CXADR: variants seen among roughly 807,000 people sequenced by gnomAD.
CXADR encodes the protein CXADR cell adhesion molecule.
CXADR carries 20 observed loss-of-function variants against 40.3 expected under a neutral mutation model. The observed-to-expected ratio is 0.50, with a 90% CI of 0.35 to 0.72. The LOEUF is 0.72. Ranked by LOEUF, CXADR falls within the 30% of genes least tolerant of loss-of-function variation. CXADR has a pLI of 0.01. For missense variants in CXADR, 332 were observed against 449.1 expected (o/e 0.74, Z 2.36); for synonymous variants, 150 against 161.3 (o/e 0.93, Z 0.53).
intron 2 of CXADR, among the ~76,000 whole-genome samples, chr21:17,550,806 T>G (rs1684842654): frequency 6.6e-6 from 1 of 152,206 alleles, no homozygotes; most frequent in Non-Finnish European, 1.5e-5. Flanking sequence ...CTATGTGTGG[T>G]TCAGAAAACT....
At chr21:17,584,101 A>T (rs998475746) in intron 7 of CXADR, among the ~76,000 whole-genome samples, 16 of 152,300 alleles carry the variant, frequency 1.1e-4, no homozygotes, top group African/African-American at 2.9e-4. Flanking sequence ...CTTACTCATG[A>T]TTTAAGATAA....
At chr21:17,621,652 G>GGGCTT in the CXADR span, among the ~76,000 whole-genome samples, 1 of 152,170 alleles carries the variant, frequency 6.6e-6, no homozygotes, top group African/African-American at 2.4e-5. Flanking sequence ...AGGGCTTGAT[G>GGGCTT]GAGGCTCTTC....
intron 1 of CXADR, among the ~76,000 whole-genome samples, chr21:17,544,677 G>C (rs944197580): frequency 2.6e-5 from 4 of 152,184 alleles, no homozygotes; most frequent in African/African-American, 9.7e-5. Flanking sequence ...GAACTACACA[G>C]GTCATTCCTG....
chr21:17,632,345 A>G, the CXADR span, among the ~76,000 whole-genome samples: 1 of 152,192 alleles, frequency 6.6e-6, no homozygotes, highest in Non-Finnish European at 1.5e-5. Flanking sequence ...AAGAGCTCAG[A>G]GGGAAACTTA....
At chr21:17,625,633 A>T in the CXADR span, among the ~76,000 whole-genome samples, 1 of 152,166 alleles carries the variant, frequency 6.6e-6, no homozygotes, top group Non-Finnish European at 1.5e-5. Context: ...TCTGTGCTAA[A>T]ATCTTTAAAG....
chr21:17,602,386 A>G, the CXADR span, among the ~76,000 whole-genome samples: 2 of 152,172 alleles, frequency 1.3e-5, no homozygotes, highest in Non-Finnish European at 2.9e-5. Flanking sequence ...CTTAGTCTCT[A>G]GTATACCAAT....
chr21:17,629,805 C>T, the CXADR span, among the ~76,000 whole-genome samples: 1 of 147,432 alleles, frequency 6.8e-6, no homozygotes, highest in Admixed American at 6.8e-5. Context: ...GACCCTGGCG[C>T]TATAAACAAA....
rs983145741 is a variant in CXADR at position 17,557,005 on chromosome 21, A to C, written c.416-1971A>C. On this transcript the variant is annotated intron_variant, in intron 3 of 6. Transcript: ENST00000284878. ...ACTAAGACAAAGGAAAGCATACGCC[A>C]GTGTTCACATGAGTGTTCAAGCAGC... is the stretch of plus-strand genomic sequence containing the variant. Among the ~76,000 whole-genome samples, 7 of 152,364 alleles carry C rather than the reference A, an allele frequency of 4.6e-5. No homozygotes were observed. In the South Asian group the frequency reaches 1.0e-3, roughly 23 times the overall value.
downstream of CXADR, among the ~76,000 whole-genome samples, chr21:17,597,830 A>G (rs1362721458): frequency 6.6e-6 from 1 of 152,170 alleles, no homozygotes; most frequent in East Asian, 1.9e-4. Flanking sequence ...AAAAGCTCCA[A>G]TATTCTGCTT....
intron 7 of CXADR, among the ~76,000 whole-genome samples, chr21:17,581,813 C>G (rs1436092680): frequency 0.016 from 2 of 122 alleles, no homozygotes; most frequent in East Asian, 0.33. Context: ...CACTGCAACT[C>G]CAGCCTGGGG....
At chr21:17,628,783 G>A in the CXADR span, among the ~76,000 whole-genome samples, 4 of 152,058 alleles carry the variant, frequency 2.6e-5, no homozygotes, top group African/African-American at 7.2e-5. Flanking sequence ...GATTACAGGC[G>A]TGAGCCACCG....
chr21:17,572,626 A>G (rs2061287642), downstream of CXADR, among the ~76,000 whole-genome samples: 1 of 152,192 alleles, frequency 6.6e-6, no homozygotes, highest in South Asian at 2.1e-4. Flanking sequence ...TATTTCAATA[A>G]TTAACCAACT....
downstream of CXADR, chr21:17,594,363 C>T (rs1252598990): frequency 5.1e-6 from 8 of 1,583,726 alleles, no homozygotes; most frequent in South Asian, 8.1e-5. Context: ...TAAGTTAATT[C>T]AAAGGAAAAA....
chr21:17,633,072 T>C, the CXADR span: 1 of 152,094 alleles, frequency 6.6e-6, no homozygotes, highest in African/African-American at 2.4e-5. Context: ...ACACAGTGAA[T>C]TAAAGAAAAT....
intron 1 of CXADR, 58 bp downstream of exon 1, chr21:17,513,230 G>A (rs972129277): frequency 7.5e-7 from 1 of 1,331,724 alleles, no homozygotes; most frequent in Non-Finnish European, 9.7e-7. Flanking sequence ...CTCGCTGCCC[G>A]CGGCCACCCA....
chr21:17,537,532 T>C (rs1368725551), intron 1 of CXADR, among the ~76,000 whole-genome samples: 1 of 152,158 alleles, frequency 6.6e-6, no homozygotes, highest in East Asian at 1.9e-4. Context: ...TCATAATTCA[T>C]AGCTCCTCTC....
At chr21:17,570,199 C>T, downstream of CXADR, 3 of 983,938 alleles carry the variant, frequency 3.0e-6, no homozygotes, top group Non-Finnish European at 3.6e-6. Context: ...TGGTTTCCTT[C>T]CCCCCGTGTA....
chr21:17,605,129 ATATC>A, the CXADR span: 3 of 1,025,278 alleles, frequency 2.9e-6, no homozygotes, highest in African/African-American at 4.9e-5. Flanking sequence ...ACCTAGGAGC[ATATC>A]TATCCTAAAC....
chr21:17,518,929 C>G lies in CXADR; in HGVS notation c.43+5757C>G, dbSNP rs561809023. 6.3e-5 allele frequency: 100 copies of G among 1,596,478 alleles called. No homozygotes were observed. In the African/African-American group the frequency reaches 1.2e-3, roughly 18 times the overall value. Reference sequence around the variant, plus strand: ...TGTTTTATGTACCACCTTCTTTCTGCGAGCTGTACCCTTGCCCCCTATCCG... The same window carrying G: ...TGTTTTATGTACCACCTTCTTTCTGGGAGCTGTACCCTTGCCCCCTATCCG... On this transcript the variant is annotated intron_variant, in intron 1 of 6. Transcript: ENST00000284878.
Sources: gnomAD v4.1 joint callset for allele counts (sites outside exome capture counted in the v4.1 genomes callset) on GRCh38, gnomAD v4.1.1 for gene constraint, MANE v1.5 for transcripts, NCBI Gene and HGNC (gene_info 2026-07-23, HGNC 2026-07-21) for gene names.